PPP1R16B: variants seen among roughly 807,000 people sequenced by gnomAD.
The protein encoded by PPP1R16B is protein phosphatase 1 regulatory inhibitor subunit 16B.
In PPP1R16B, 14 loss-of-function variants were observed where a neutral mutation model predicts 61.7. That is an observed-to-expected ratio of 0.23 (90% CI 0.15 to 0.35). PPP1R16B has a LOEUF of 0.35. PPP1R16B is among the 10% of genes least tolerant of loss of function. The pLI is 1.00. For synonymous variants in PPP1R16B, 266 were observed against 305.3 expected (o/e 0.87, Z 1.34); for missense variants, 547 against 752.5 (o/e 0.73, Z 3.19).
intron 6 of PPP1R16B, among the ~76,000 whole-genome samples, chr20:38,905,437 A>G (rs568901673): frequency 6.6e-6 from 1 of 152,320 alleles, no homozygotes. Context: ...TCCTCACAAC[A>G]TAGTGGCTGC....
intron 5 of PPP1R16B, among the ~76,000 whole-genome samples, chr20:38,901,690 G>A (rs1297253869): frequency 3.3e-5 from 5 of 152,200 alleles, no homozygotes; most frequent in Admixed American, 6.5e-5. Context: ...GATTACAGGC[G>A]TGAACCCCCG....
chr20:38,870,897 T>C (rs112430539), intron 2 of PPP1R16B, among the ~76,000 whole-genome samples: 4,065 of 152,108 alleles, frequency 0.027, 110 homozygotes, highest in South Asian at 0.034. Flanking sequence ...CGGAGACTTA[T>C]CAGGAAGCAG....
intron 2 of PPP1R16B, among the ~76,000 whole-genome samples, chr20:38,886,152 G>A (rs755835182): frequency 1.3e-5 from 2 of 152,162 alleles, no homozygotes; most frequent in East Asian, 1.9e-4. Flanking sequence ...ACTGGGCGCC[G>A]AGGACTTTGC....
intron 2 of PPP1R16B, among the ~76,000 whole-genome samples, chr20:38,874,370 C>T (rs2085151400): frequency 6.6e-6 from 1 of 152,172 alleles, no homozygotes; most frequent in Non-Finnish European, 1.5e-5. Context: ...TCATTCCAGA[C>T]ACTATGGTCA....
intron 4 of PPP1R16B, among the ~76,000 whole-genome samples, chr20:38,899,092 G>C (rs2085372187): frequency 6.6e-6 from 1 of 152,184 alleles, no homozygotes; most frequent in Non-Finnish European, 1.5e-5. Context: ...ACTGGTCTTG[G>C]CAGAGCGGCA....
chr20:38,826,350 G>A (rs148100785), intron 1 of PPP1R16B, among the ~76,000 whole-genome samples: 347 of 152,248 alleles, frequency 2.3e-3, no homozygotes, highest in African/African-American at 7.7e-3. Flanking sequence ...TGACTAATGC[G>A]TTTGTAGACA....
intron 2 of PPP1R16B, among the ~76,000 whole-genome samples, chr20:38,869,304 G>A (rs208809): frequency 0.02 from 3,093 of 152,018 alleles, 52 homozygotes; most frequent in Middle Eastern, 0.054. Flanking sequence ...AATTACAGGC[G>A]TGCACCACCA....
intron 2 of PPP1R16B, among the ~76,000 whole-genome samples, chr20:38,865,678 G>A (rs2085085941): frequency 6.6e-6 from 1 of 152,194 alleles, no homozygotes; most frequent in Admixed American, 6.5e-5. Context: ...GGAGACAGAG[G>A]TGCCGAGGGG....
At chr20:38,807,966 G>T (rs540579113) in intron 1 of PPP1R16B, among the ~76,000 whole-genome samples, 1 of 152,308 alleles carries the variant, frequency 6.6e-6, no homozygotes, top group African/African-American at 2.4e-5. Flanking sequence ...CTCAGACTTT[G>T]CTCTCCCTGG....
At position 38,850,562 on chromosome 20, in the gene PPP1R16B, T is replaced by C. The variant is rs1316931024; in HGVS notation, c.250+14387T>C. Among the ~76,000 whole-genome samples the C allele has an allele frequency of 2.6e-5, 4 of 152,226 alleles. No individual in the cohort carries two copies. In the East Asian group the frequency reaches 7.7e-4, roughly 29 times the overall value. ...GAAATGTGCTGTCCAATACAATAGC[T>C]GCTAAATTTTTTATTGTATTTAGTT... On this transcript the variant is annotated intron_variant, in intron 2 of 10. Coordinates refer to ENST00000299824, the MANE Select transcript of PPP1R16B (RefSeq NM_015568.4).
At chr20:38,890,681 T>A (rs912789992) in intron 3 of PPP1R16B, among the ~76,000 whole-genome samples, 1 of 152,246 alleles carries the variant, frequency 6.6e-6, no homozygotes, top group African/African-American at 2.4e-5. Context: ...TATGAGTGTG[T>A]CCTAGCATCT....
intron 2 of PPP1R16B, among the ~76,000 whole-genome samples, chr20:38,874,650 T>A (rs1290681237): frequency 6.6e-6 from 1 of 152,196 alleles, no homozygotes; most frequent in Admixed American, 6.5e-5. Context: ...TTTCATCCCT[T>A]GGGCTCAGAG....
intron 2 of PPP1R16B, among the ~76,000 whole-genome samples, chr20:38,858,193 G>A (rs548946910): frequency 4.6e-5 from 7 of 152,040 alleles, no homozygotes; most frequent in Non-Finnish European, 8.8e-5. Flanking sequence ...AAATTCCATC[G>A]CACTGGGGAT....
Position 38,834,334 on chromosome 20 carries a change from C to A in PPP1R16B, c.-101-1491C>A, listed in dbSNP as rs2084855690. Among the ~76,000 whole-genome samples the A allele has an allele frequency of 2.0e-5, 3 of 152,270 alleles. No homozygotes were observed. In the South Asian group the frequency reaches 6.2e-4, roughly 32 times the overall value. On this transcript the variant is annotated intron_variant, in intron 1 of 10. Transcript: ENST00000299824. ...GCCCCAGCTCTTTTTATTCCTTGCA[C>A]CTGTAACTTCTGGGAGGTGGATAGG...
intron 2 of PPP1R16B, among the ~76,000 whole-genome samples, chr20:38,836,693 T>TTTTA (rs891568684): frequency 9.9e-5 from 15 of 152,146 alleles, no homozygotes; most frequent in African/African-American, 2.7e-4. Flanking sequence ...GTTCATTTGT[T>TTTTA]TTTATTTATT....
At chr20:38,876,514 A>C (rs919765278) in intron 2 of PPP1R16B, among the ~76,000 whole-genome samples, 4 of 139,210 alleles carry the variant, frequency 2.9e-5, no homozygotes, top group Admixed American at 2.4e-4. Flanking sequence ...GCCAAATATT[A>C]CTCTTCTTTG....
chr20:38,807,928 A>G (rs2084673071), intron 1 of PPP1R16B, among the ~76,000 whole-genome samples: 3 of 152,194 alleles, frequency 2.0e-5, no homozygotes, highest in South Asian at 4.2e-4. Flanking sequence ...TGGCCTAGAA[A>G]GACACGGTAG....
chr20:38,904,229 C>A (rs955051344), intron 6 of PPP1R16B, among the ~76,000 whole-genome samples: 1 of 152,198 alleles, frequency 6.6e-6, no homozygotes, highest in Non-Finnish European at 1.5e-5. Context: ...AGGGCATTAC[C>A]CAGCCTCATT....
intron 2 of PPP1R16B, among the ~76,000 whole-genome samples, chr20:38,861,673 C>CTTTTTTTT (rs869187206): frequency 8.0e-6 from 1 of 125,622 alleles, no homozygotes; most frequent in East Asian, 2.2e-4. Context: ...TGCAGTTCTT[C>CTTTTTTTT]TTTTTTTTTT....
Sources: gnomAD v4.1 joint callset for allele counts (sites outside exome capture counted in the v4.1 genomes callset) on GRCh38, gnomAD v4.1.1 for gene constraint, MANE v1.5 for transcripts, NCBI Gene and HGNC (gene_info 2026-07-23, HGNC 2026-07-21) for gene names.